FOXO1: variants seen among roughly 807,000 people sequenced by gnomAD.
The protein encoded by FOXO1 is forkhead box protein O1.
In FOXO1, 6 loss-of-function variants were observed where a neutral mutation model predicts 44.1. The ratio of observed to expected loss-of-function variants is 0.14; its 90% confidence interval spans 0.07 to 0.27. FOXO1 has a LOEUF of 0.27. Among genes scored for constraint, FOXO1 ranks in the 10% least tolerant of loss-of-function variants. FOXO1 has a pLI of 1.00. For synonymous variants in FOXO1, 380 were observed against 362.7 expected (o/e 1.05, Z -0.54); for missense variants, 737 against 888.8 (o/e 0.83, Z 2.17).
At chr13:40,609,872 T>C (rs921614902) in intron 1 of FOXO1, among the ~76,000 whole-genome samples, 1 of 152,146 alleles carries the variant, frequency 6.6e-6, no homozygotes, top group Non-Finnish European at 1.5e-5. Context: ...ATCACAGTAT[T>C]GGCAGTACCT....
rs1267919393 is a variant in FOXO1 at position 40,559,993 on chromosome 13, G to A, written c.1498C>T (p.Pro500Ser). The A allele has an allele frequency of 9.3e-6, 15 of 1,613,986 alleles. No homozygotes were observed. Among genetic ancestry groups the A allele is most frequent in the Non-Finnish European group, 1.3e-5 (15 of 1,180,050 alleles). Residue 500 changes from proline to serine, a missense_variant, in exon 2 of 3, where the codon CCT becomes TCT. Around this residue, in one of 7 missense-constraint regions of FOXO1, gnomAD observed 283 missense variants for 278.1 expected, o/e 1.02. Transcript: ENST00000379561. The part of the protein sequence containing the change: ...RVLGQNVMMG[P>S]NSVMSTYGSQ... ...CCATAGGTTGACATGACCGAATTAGGGCCCATCATGACGTTCTGGCCCAGA... is the reference window on the plus strand; with the variant it reads ...CCATAGGTTGACATGACCGAATTAGAGCCCATCATGACGTTCTGGCCCAGA...
intron 1 of FOXO1, among the ~76,000 whole-genome samples, chr13:40,640,764 G>C (rs1184519734): frequency 4.5e-5 from 5 of 111,958 alleles, no homozygotes; most frequent in Non-Finnish European, 8.6e-5. Context: ...TTCTTTTGTT[G>C]TTGTTGTTGT....
chr13:40,619,822 A>C (rs536152324), intron 1 of FOXO1: 289 of 769,496 alleles, frequency 3.8e-4, no homozygotes, highest in Non-Finnish European at 5.8e-4. Flanking sequence ...TAGTCACACA[A>C]ACCAGTCGGG....
chr13:40,576,986 A>G (rs148591591), intron 1 of FOXO1, among the ~76,000 whole-genome samples: 1 of 152,366 alleles, frequency 6.6e-6, no homozygotes, highest in East Asian at 1.9e-4. Flanking sequence ...TAAAGGAAAT[A>G]ATGGCCTACA....
intron 1 of FOXO1, among the ~76,000 whole-genome samples, chr13:40,655,805 G>C (rs904243389): frequency 6.6e-6 from 1 of 151,734 alleles, no homozygotes; most frequent in Non-Finnish European, 1.5e-5. Flanking sequence ...ATCACCACTG[G>C]CTAATTTTTT....
At chr13:40,574,662 C>A (rs1470776486) in intron 1 of FOXO1, among the ~76,000 whole-genome samples, 1 of 152,164 alleles carries the variant, frequency 6.6e-6, no homozygotes, top group Non-Finnish European at 1.5e-5. Flanking sequence ...TCTGAACCAA[C>A]ATGTAGTCTC....
At chr13:40,648,929 C>T (rs562592256) in intron 1 of FOXO1, among the ~76,000 whole-genome samples, 1 of 152,310 alleles carries the variant, frequency 6.6e-6, no homozygotes, top group African/African-American at 2.4e-5. Context: ...AGTCATTATG[C>T]TCTAATCAAC....
intron 1 of FOXO1, among the ~76,000 whole-genome samples, chr13:40,571,566 C>T (rs1158879001): frequency 6.6e-6 from 1 of 152,124 alleles, no homozygotes; most frequent in Non-Finnish European, 1.5e-5. Flanking sequence ...CCACAACTCC[C>T]CCATCTTGCC....
chr13:40,656,952 T>G (rs1877877780), intron 1 of FOXO1, among the ~76,000 whole-genome samples: 1 of 151,874 alleles, frequency 6.6e-6, no homozygotes, highest in Non-Finnish European at 1.5e-5. Flanking sequence ...CGCCTCAGCC[T>G]CCCGAGTAGC....
intron 1 of FOXO1, among the ~76,000 whole-genome samples, chr13:40,584,830 G>A (rs866733246): frequency 2.6e-5 from 4 of 152,150 alleles, no homozygotes; most frequent in African/African-American, 4.8e-5. Context: ...AGGAAGCTTC[G>A]GATGTTATGA....
chr13:40,583,850 G>A (rs1875045758), intron 1 of FOXO1, among the ~76,000 whole-genome samples: 1 of 152,160 alleles, frequency 6.6e-6, no homozygotes, highest in Admixed American at 6.5e-5. Context: ...CTTTCCCTTT[G>A]CATTCACAAC....
intron 1 of FOXO1, among the ~76,000 whole-genome samples, chr13:40,622,233 A>G (rs547776817): frequency 1.3e-5 from 2 of 152,132 alleles, no homozygotes; most frequent in African/African-American, 4.8e-5. Flanking sequence ...GTTAAAATCT[A>G]AAAAAAGTCT....
intron 1 of FOXO1, among the ~76,000 whole-genome samples, chr13:40,567,005 C>T (rs751798332): frequency 6.6e-6 from 1 of 152,144 alleles, no homozygotes; most frequent in African/African-American, 2.4e-5. Flanking sequence ...AAGAGCTGAG[C>T]CTGGCTGCCT....
chr13:40,595,434 T>C (rs1375551725), intron 1 of FOXO1, among the ~76,000 whole-genome samples: 1 of 152,186 alleles, frequency 6.6e-6, no homozygotes, highest in Admixed American at 6.5e-5. Context: ...GCCTGAGATT[T>C]CCTGGTGATA....
intron 1 of FOXO1, among the ~76,000 whole-genome samples, chr13:40,576,193 G>A (rs1157115439): frequency 2.0e-5 from 3 of 152,162 alleles, no homozygotes; most frequent in South Asian, 2.1e-4. Flanking sequence ...AAAGAGAAGA[G>A]GTCAGTATGG....
chr13:40,576,779 A>C (rs1874763260), intron 1 of FOXO1, among the ~76,000 whole-genome samples: 1 of 152,214 alleles, frequency 6.6e-6, no homozygotes, highest in Admixed American at 6.5e-5. Context: ...TGGGGCCAGG[A>C]CCATTTGTTT....
In FOXO1 at chr13:40,588,288, A is replaced by G. The variant is rs17209008; in HGVS notation, c.631-27428T>C. Among the ~76,000 whole-genome samples, 162 of 152,338 alleles carry G rather than the reference A, an allele frequency of 1.1e-3. 4 individuals are homozygous for G. In the East Asian group the frequency reaches 0.019, roughly 18 times the overall value. ...CTGCACAGTCAGGAAGTTTGAGTGT[A>G]TCTGCACAAGACTTCTCTAGCTTCA... On this transcript the variant is annotated intron_variant, in intron 1 of 2. Transcript: ENST00000379561.
intron 1 of FOXO1, among the ~76,000 whole-genome samples, chr13:40,622,434 G>C (rs1876647463): frequency 6.6e-6 from 1 of 152,188 alleles, no homozygotes; most frequent in African/African-American, 2.4e-5. Context: ...GGAAGAGCTA[G>C]ACTTACAGAG....
At chr13:40,581,780 GCTGA>G (rs1443229790) in intron 1 of FOXO1, among the ~76,000 whole-genome samples, 8 of 152,128 alleles carry the variant, frequency 5.3e-5, no homozygotes, top group African/African-American at 1.7e-4. Context: ...AAAATATCAT[GCTGA>G]CTTTTATTAA....
Sources: allele counts gnomAD v4.1 joint callset (sites outside exome capture counted in the v4.1 genomes callset), GRCh38; gene constraint gnomAD v4.1.1; regional missense constraint gnomAD v4.1.1; transcripts MANE v1.5; gene names NCBI Gene and HGNC (gene_info 2026-07-23, HGNC 2026-07-21).